The following LRRC7 variants were observed in gnomAD, a reference collection of about 807,000 sequenced individuals.
The protein encoded by LRRC7 is leucine rich repeat containing 7, also known as leucine-rich repeat-containing protein 7.
LRRC7 carries 23 observed loss-of-function variants against 175.7 expected under a neutral mutation model. The ratio of observed to expected loss-of-function variants is 0.13; its 90% CI spans 0.09 to 0.19. LRRC7 has a LOEUF of 0.19. LRRC7 is among the 10% of genes least tolerant of loss of function. The probability of loss-of-function intolerance (pLI) is 1.00; values close to 1 mark genes in which losing one functional copy is unlikely to be tolerated. For missense variants in LRRC7, 1,354 were observed against 1,904.7 expected (o/e 0.71, Z 5.38); for synonymous variants, 685 against 680.9 (o/e 1.01, Z -0.09).
At chr1:70,085,597 G>T (rs908509464) in intron 24 of LRRC7, among the ~76,000 whole-genome samples, 7 of 151,892 alleles carry the variant, frequency 4.6e-5, no homozygotes, top group African/African-American at 1.7e-4. Context: ...TTGATCTTTG[G>T]CATCATTCAC....
intron 3 of LRRC7, among the ~76,000 whole-genome samples, chr1:69,773,842 T>C (rs1672513753): frequency 6.6e-6 from 1 of 152,174 alleles, no homozygotes; most frequent in Non-Finnish European, 1.5e-5. Context: ...GGTTAAAGAA[T>C]GTACTAAAGG....
intron 7 of LRRC7, chr1:69,879,997 T>A (rs1202568231): frequency 1.3e-5 from 2 of 152,190 alleles, no homozygotes; most frequent in Non-Finnish European, 2.9e-5. Context: ...ACTAAGACTC[T>A]ATTCCTTAGA....
intron 2 of LRRC7, among the ~76,000 whole-genome samples, chr1:69,742,535 TTGTG>T (rs1178649605): frequency 6.6e-6 from 1 of 151,812 alleles, no homozygotes; most frequent in Non-Finnish European, 1.5e-5. Context: ...GTGTGTCTTT[TTGTG>T]TGTGCGTGCA....
chr1:69,861,195 G>C (rs1193854188), intron 7 of LRRC7, among the ~76,000 whole-genome samples: 1 of 151,896 alleles, frequency 6.6e-6, no homozygotes, highest in Non-Finnish European at 1.5e-5. Flanking sequence ...AAGTTGAAAA[G>C]GACTGCCATT....
intron 4 of LRRC7, among the ~76,000 whole-genome samples, chr1:69,799,049 GC>G (rs1251529529): frequency 1.4e-5 from 2 of 146,442 alleles, no homozygotes; most frequent in Admixed American, 6.8e-5. Context: ...AATTTTGAAT[GC>G]TTGTCTTTTA....
chr1:70,140,436 A>G lies in LRRC7; in HGVS notation c.*18549A>G, dbSNP rs1057356336. 1 of 152,062 alleles carries G rather than the reference A, an allele frequency of 6.6e-6. No homozygotes were observed. Among genetic ancestry groups the G allele is most frequent in the Admixed American group, 6.6e-5 (1 of 15,254 alleles). The allele number at this position is 152,062 out of a possible 1,614,324, so 9.4% of individuals were successfully genotyped here. On this transcript the variant is annotated 3_prime_UTR_variant, in exon 27 of 27. Transcript: ENST00000651989. ...AACATCCTGTTTCTTTAAATCCTCA[A>G]TGCTTAAATTGCCATGTAGAAATCA...
chr1:69,867,732 T>C (rs1685096929), intron 7 of LRRC7, among the ~76,000 whole-genome samples: 2 of 152,112 alleles, frequency 1.3e-5, no homozygotes, highest in Non-Finnish European at 2.9e-5. Flanking sequence ...TGAGAAAGGT[T>C]GTAGGAAAAG....
chr1:69,904,754 C>T (rs1646244483), intron 7 of LRRC7, among the ~76,000 whole-genome samples: 1 of 151,918 alleles, frequency 6.6e-6, no homozygotes, highest in East Asian at 1.9e-4. Flanking sequence ...GTTTGATGTA[C>T]AGATTATTTT....
At chr1:69,654,784 A>C (rs985062276) in intron 1 of LRRC7, among the ~76,000 whole-genome samples, 1 of 152,194 alleles carries the variant, frequency 6.6e-6, no homozygotes. Flanking sequence ...CAAGTTAATA[A>C]TGAATATGGC....
Position 70,101,631 on chromosome 1 carries a change from A to C in LRRC7, c.4546-6121A>C, listed in dbSNP as rs533369880. 9.8e-5 allele frequency among the ~76,000 whole-genome samples: 15 copies of C among 152,360 alleles called. No individual in the cohort carries two copies. The East Asian group carries it at 2.9e-3, about 29-fold the overall frequency. ...CAGTAAGGCAAGGTCAGATCTTAAC[A>C]ATGCAAGAAGCCTCCCAAACTTATC... is the stretch of plus-strand genomic sequence containing the variant. On this transcript the variant is annotated intron_variant, in intron 25 of 26. Coordinates refer to ENST00000651989, the MANE Select transcript of LRRC7 (RefSeq NM_001370785.2).
chr1:69,684,994 T>A (rs1466279379), intron 2 of LRRC7, among the ~76,000 whole-genome samples: 1 of 152,172 alleles, frequency 6.6e-6, no homozygotes, highest in Non-Finnish European at 1.5e-5. Flanking sequence ...TCACCCAGTG[T>A]CATAAAGAGA....
intron 1 of LRRC7, among the ~76,000 whole-genome samples, chr1:69,570,062 G>C (rs1475809619): frequency 6.6e-6 from 1 of 152,096 alleles, no homozygotes; most frequent in Non-Finnish European, 1.5e-5. Context: ...ATTTGTATCT[G>C]TATATGTCGA....
intron 2 of LRRC7, among the ~76,000 whole-genome samples, chr1:69,699,698 G>C (rs1174565217): frequency 6.6e-6 from 1 of 150,854 alleles, no homozygotes; most frequent in Non-Finnish European, 1.5e-5. Flanking sequence ...CCTCCAGGCA[G>C]CTTTACTGAA....
chr1:69,669,582 A>G (rs1289559944), intron 1 of LRRC7, among the ~76,000 whole-genome samples: 1 of 152,126 alleles, frequency 6.6e-6, no homozygotes, highest in Non-Finnish European at 1.5e-5. Flanking sequence ...TATGTTTTCT[A>G]ACCTTCTCAT....
At chr1:69,807,162 A>C (rs1376721487) in intron 4 of LRRC7, among the ~76,000 whole-genome samples, 1 of 151,928 alleles carries the variant, frequency 6.6e-6, no homozygotes, top group East Asian at 1.9e-4. Context: ...ATAGTCCTCC[A>C]TCTCTTTATT....
intron 2 of LRRC7, among the ~76,000 whole-genome samples, chr1:69,758,434 G>C (rs1431782711): frequency 6.6e-6 from 1 of 151,960 alleles, no homozygotes; most frequent in African/African-American, 2.4e-5. Context: ...CAATGAAAAA[G>C]GATCACTTTA....
chr1:69,920,018 C>T lies in LRRC7; in HGVS notation c.648-11489C>T, dbSNP rs1646838441. Reference sequence around the variant, plus strand: ...GGCCCTGGGGTTCCCCACTCCCTGTCAGTCCCCAGTTGGGGCTGCGACCTC... The same window carrying T: ...GGCCCTGGGGTTCCCCACTCCCTGTTAGTCCCCAGTTGGGGCTGCGACCTC... On this transcript the variant is annotated intron_variant, in intron 7 of 26. Coordinates refer to ENST00000651989, the MANE Select transcript of LRRC7 (RefSeq NM_001370785.2). 1.1e-5 allele frequency: 5 copies of T among 455,794 alleles called. No homozygotes were observed. The East Asian group carries it at 1.3e-4, about 12-fold the overall frequency. 28.2% of individuals were successfully genotyped at this position (455,794 alleles called of 1,614,324 possible). A position where few individuals can be genotyped will look rare whatever the true frequency, so the allele number is the denominator to read the frequency against.
chr1:69,879,339 C>T (rs1686366358), intron 7 of LRRC7, among the ~76,000 whole-genome samples: 1 of 151,672 alleles, frequency 6.6e-6, no homozygotes, highest in African/African-American at 2.4e-5. Context: ...CAAAAATTTC[C>T]AGGCCTAATG....
At position 70,087,148 on chromosome 1, in the gene LRRC7, G is replaced by T. The variant is rs1018023371; in HGVS notation, c.4453-2579G>T. The stretch of plus-strand genomic sequence containing the variant: ...ATTAAGGCAGTTCTTCATACACTTG[G>T]CACATGTGAAATTTGTTTCTCTTAG... On this transcript the variant is annotated intron_variant, in intron 24 of 26. Transcript: ENST00000651989. Among the ~76,000 whole-genome samples the T allele has an allele frequency of 1.8e-4, 28 of 152,044 alleles. 2 individuals are homozygous for T. Among genetic ancestry groups the T allele is most frequent in the Admixed American group, 1.5e-3 (23 of 15,244 alleles).
Sources: allele counts gnomAD v4.1 joint callset (sites outside exome capture counted in the v4.1 genomes callset), GRCh38; gene constraint gnomAD v4.1.1; transcripts MANE v1.5; gene names NCBI Gene and HGNC (gene_info 2026-07-23, HGNC 2026-07-21).